The following NIM1K variants were observed in gnomAD, a reference collection of about 807,000 sequenced individuals.
NIM1K encodes the protein serine/threonine-protein kinase NIM1.
In NIM1K, 35 loss-of-function variants were observed where a neutral mutation model predicts 37.1. The ratio of observed to expected loss-of-function variants is 0.94; its 90% CI spans 0.72 to 1.25. The LOEUF (loss-of-function observed/expected upper bound fraction) is 1.25, where lower values mean the gene tolerates loss of function less well. NIM1K is among the 50% of genes most tolerant of loss of function. The pLI, the probability that NIM1K is intolerant of heterozygous loss-of-function variation, is 0.00. For synonymous variants in NIM1K, 234 were observed against 206.6 expected (o/e 1.13, Z -1.14); for missense variants, 564 against 548.0 (o/e 1.03, Z -0.29).
chr5:43,280,227 C>T lies in NIM1K; in HGVS notation c.809C>T (p.Pro270Leu). Residue 270 changes from proline to leucine, a missense_variant, in exon 4 of 4, where the codon CCA (proline) becomes CTA (leucine). Physicochemically the swap from Pro to Leu is moderately conservative, Grantham distance 98. Coordinates refer to ENST00000326035, the MANE Select transcript of NIM1K (RefSeq NM_153361.4). ...TACTTCATGGTGACTGGCACCATGC[C>T]ATTTCGGGCAGAAACCGTGGCCAAA... ...LLYFMVTGTM[P>L]FRAETVAKLK... 6.2e-7 allele frequency: 1 copy of T among 1,614,194 alleles called. No homozygotes were observed. Among genetic ancestry groups the T allele is most frequent in the Non-Finnish European group, 8.5e-7 (1 of 1,180,034 alleles).
chr5:43,221,567 G>A (rs970117105), intron 1 of NIM1K, among the ~76,000 whole-genome samples: 9 of 152,066 alleles, frequency 5.9e-5, no homozygotes, highest in African/African-American at 1.7e-4. Flanking sequence ...GGCAGCCCCC[G>A]AATAAGAACA....
intron 2 of NIM1K, among the ~76,000 whole-genome samples, chr5:43,268,031 G>C (rs549183300): frequency 6.6e-6 from 1 of 152,242 alleles, no homozygotes; most frequent in African/African-American, 2.4e-5. Context: ...GATCTGTCTA[G>C]TGCTGTCAGT....
chr5:43,265,397 A>G (rs942246308), intron 2 of NIM1K, among the ~76,000 whole-genome samples: 1 of 152,020 alleles, frequency 6.6e-6, no homozygotes, highest in Non-Finnish European at 1.5e-5. Context: ...CTTTTCTTCC[A>G]TTTGATCGAA....
chr5:43,265,084 A>G (rs934552602), intron 2 of NIM1K, among the ~76,000 whole-genome samples: 1 of 152,108 alleles, frequency 6.6e-6, no homozygotes, highest in African/African-American at 2.4e-5. Flanking sequence ...GGTGAATCTG[A>G]CAATTGTGTC....
intron 1 of NIM1K, among the ~76,000 whole-genome samples, chr5:43,222,233 G>A (rs1408925573): frequency 6.6e-6 from 1 of 152,182 alleles, no homozygotes; most frequent in African/African-American, 2.4e-5. Context: ...AATCACTGAA[G>A]GGTGAGAAAT....
chr5:43,197,357 C>G (rs540248983), intron 1 of NIM1K, among the ~76,000 whole-genome samples: 1 of 151,816 alleles, frequency 6.6e-6, no homozygotes, highest in African/African-American at 2.4e-5. Context: ...GTTGCCCAGG[C>G]TGGTCTTGAA....
chr5:43,213,701 G>A (rs1385162040), intron 1 of NIM1K, among the ~76,000 whole-genome samples: 1 of 152,070 alleles, frequency 6.6e-6, no homozygotes, highest in Admixed American at 6.6e-5. Flanking sequence ...TTGCCATATT[G>A]GCCAGGCTGG....
intron 2 of NIM1K, among the ~76,000 whole-genome samples, chr5:43,270,389 G>A (rs61238338): frequency 0.032 from 4,876 of 152,274 alleles, 287 homozygotes; most frequent in African/African-American, 0.11. Context: ...TTAGATAGGA[G>A]TAGGAATTGT....
intron 1 of NIM1K, among the ~76,000 whole-genome samples, chr5:43,227,514 G>A (rs370827489): frequency 2.0e-5 from 3 of 152,116 alleles, no homozygotes; most frequent in East Asian, 1.9e-4. Flanking sequence ...AATCCAACCC[G>A]TCTTCCATAT....
At chr5:43,194,929 T>C (rs1443533978) in intron 1 of NIM1K, 1 of 152,208 alleles carries the variant, frequency 6.6e-6, no homozygotes, top group Non-Finnish European at 1.5e-5. Context: ...AAGATTTTTG[T>C]CTTAGTAGGT....
intron 1 of NIM1K, among the ~76,000 whole-genome samples, chr5:43,223,409 A>C (rs1364199116): frequency 2.0e-5 from 3 of 152,188 alleles, no homozygotes; most frequent in Non-Finnish European, 2.9e-5. Context: ...CTACCACATA[A>C]AATGTGTTAT....
At chr5:43,193,896 C>G (rs1237275749) in intron 1 of NIM1K, among the ~76,000 whole-genome samples, 1 of 152,080 alleles carries the variant, frequency 6.6e-6, no homozygotes, top group African/African-American at 2.4e-5. Context: ...TCTCTTGTAC[C>G]CTCGTTGTCA....
intron 1 of NIM1K, among the ~76,000 whole-genome samples, chr5:43,205,581 T>C (rs984360888): frequency 6.6e-6 from 1 of 152,166 alleles, no homozygotes; most frequent in African/African-American, 2.4e-5. Flanking sequence ...AGCAAGACTC[T>C]ATTTCTACAA....
chr5:43,234,266 A>G (rs948841894), intron 1 of NIM1K, among the ~76,000 whole-genome samples: 6 of 152,052 alleles, frequency 3.9e-5, no homozygotes, highest in African/African-American at 1.4e-4. Context: ...TCATTCATTC[A>G]TTCATTCAAT....
chr5:43,266,446 T>G (rs1753161749), intron 2 of NIM1K, among the ~76,000 whole-genome samples: 1 of 152,214 alleles, frequency 6.6e-6, no homozygotes, highest in South Asian at 2.1e-4. Context: ...TCTCCTGGTG[T>G]GCCATTTGCT....
intron 1 of NIM1K, among the ~76,000 whole-genome samples, chr5:43,196,942 CTTTT>C (rs774125135): frequency 2.4e-5 from 2 of 82,774 alleles, no homozygotes; most frequent in Non-Finnish European, 4.5e-5. Context: ...CCATGCCCAG[CTTTT>C]TTTTTTTTTT....
At chr5:43,256,066 G>A (rs1293294348) in intron 2 of NIM1K, among the ~76,000 whole-genome samples, 1 of 152,070 alleles carries the variant, frequency 6.6e-6, no homozygotes, top group Non-Finnish European at 1.5e-5. Flanking sequence ...GATTTTACAG[G>A]AGCCATCAGA....
chr5:43,201,099 T>C (rs1752012616), intron 1 of NIM1K, among the ~76,000 whole-genome samples: 1 of 136,938 alleles, frequency 7.3e-6, no homozygotes, highest in Non-Finnish European at 1.5e-5. Flanking sequence ...CACTCCAGCC[T>C]GGGCAACAGA....
At chr5:43,255,664 G>T (rs920955949) in intron 2 of NIM1K, among the ~76,000 whole-genome samples, 1 of 151,386 alleles carries the variant, frequency 6.6e-6, no homozygotes, top group South Asian at 2.1e-4. Context: ...CAGGAAAATC[G>T]CTTGAACCCA....
Sources: allele counts gnomAD v4.1 joint callset (sites outside exome capture counted in the v4.1 genomes callset), GRCh38; gene constraint gnomAD v4.1.1; transcripts MANE v1.5; gene names NCBI Gene and HGNC (gene_info 2026-07-23, HGNC 2026-07-21).